Variants in FRMD6 observed in about 807,000 individuals in gnomAD.
FRMD6 encodes FERM domain-containing protein 6.
A neutral mutation model predicts 73.2 loss-of-function variants in FRMD6; 37 were observed. That is an observed-to-expected ratio of 0.51 (90% CI 0.39 to 0.66). The LOEUF is 0.66. FRMD6 is among the 30% of genes least tolerant of loss of function. FRMD6 has a pLI of 0.00. For synonymous variants in FRMD6, 273 were observed against 282.2 expected (o/e 0.97, Z 0.33); for missense variants, 714 against 780.5 (o/e 0.91, Z 1.02).
chr14:51,699,081 T>A (rs1896127045), intron 3 of FRMD6, among the ~76,000 whole-genome samples: 1 of 152,056 alleles, frequency 6.6e-6, no homozygotes, highest in African/African-American at 2.4e-5. Context: ...AATAATATGT[T>A]TACACCTGCC....
At chr14:51,487,146 G>A (rs776690943), upstream of FRMD6, among the ~76,000 whole-genome samples, 9 of 152,156 alleles carry the variant, frequency 5.9e-5, no homozygotes, top group East Asian at 3.8e-4. Flanking sequence ...CTGCTCTAGC[G>A]TGTACAGTGT....
At chr14:51,487,465 G>C (rs1301035864), upstream of FRMD6, among the ~76,000 whole-genome samples, 1 of 152,160 alleles carries the variant, frequency 6.6e-6, no homozygotes, top group African/African-American at 2.4e-5. Context: ...GGGGGATCTT[G>C]TGAAAATGCA....
intron 2 of FRMD6, among the ~76,000 whole-genome samples, chr14:51,642,887 A>G (rs1379720633): frequency 6.6e-6 from 1 of 152,206 alleles, no homozygotes; most frequent in Non-Finnish European, 1.5e-5. Context: ...AGAAAGCCCT[A>G]AAAGAGCCAG....
At chr14:51,638,310 A>G (rs74052647) in intron 2 of FRMD6, among the ~76,000 whole-genome samples, 23,248 of 151,966 alleles carry the variant, frequency 0.15, 1,867 homozygotes, top group Middle Eastern at 0.21. Flanking sequence ...AATTCCTTCC[A>G]TGGGTAATAA....
chr14:51,620,383 C>T (rs576947232), intron 2 of FRMD6, among the ~76,000 whole-genome samples: 1 of 152,064 alleles, frequency 6.6e-6, no homozygotes, highest in Non-Finnish European at 1.5e-5. Flanking sequence ...CGCAAAACCA[C>T]AAGGAAAGTT....
chr14:51,562,350 T>C (rs571104130), intron 1 of FRMD6, among the ~76,000 whole-genome samples: 1 of 152,302 alleles, frequency 6.6e-6, no homozygotes, highest in East Asian at 1.9e-4. Flanking sequence ...AGGTCATGCA[T>C]GGTAGCATTT....
the FRMD6 span, among the ~76,000 whole-genome samples, chr14:51,398,709 T>C: frequency 0.1 from 15,358 of 152,148 alleles, 1,043 homozygotes; most frequent in South Asian, 0.26. Context: ...TACACCCTGA[T>C]ATGCTAATAA....
chr14:51,664,899 A>G (rs1367455879), intron 1 of FRMD6, among the ~76,000 whole-genome samples: 4 of 152,196 alleles, frequency 2.6e-5, no homozygotes, highest in East Asian at 3.9e-4. Flanking sequence ...CACGAGGCCA[A>G]TGTGGAATAA....
At position 51,725,869 on chromosome 14, in the gene FRMD6, A is replaced by G; in HGVS notation, c.1583A>G (p.Gln528Arg). 2 of 1,604,806 alleles carry G rather than the reference A, an allele frequency of 1.2e-6. No homozygotes were observed. Among genetic ancestry groups the G allele is most frequent in the Non-Finnish European group, 1.7e-6 (2 of 1,172,652 alleles). ...GGCCAGAGTACTGATTCTCTTCCAC[A>G]GGTATTAAAGGAATTGAAAAATATC... ...LRGQSTDSLP[Q>R]TICRKPKTST... is the part of the protein sequence containing the mutation. Residue 528 changes from glutamine (Q) to arginine (R), a missense_variant and splice_region_variant, in exon 13 of 14, where the codon CAG (glutamine) becomes CGG (arginine). Transcript: ENST00000344768.
chr14:51,450,826 T>C, the FRMD6 span, among the ~76,000 whole-genome samples: 2 of 152,188 alleles, frequency 1.3e-5, no homozygotes, highest in South Asian at 4.1e-4. Flanking sequence ...TTGAGGTCTG[T>C]TTTATGCCAG....
At chr14:51,421,646 T>G in the FRMD6 span, among the ~76,000 whole-genome samples, 1 of 152,152 alleles carries the variant, frequency 6.6e-6, no homozygotes, top group Non-Finnish European at 1.5e-5. Context: ...GATCTTAAAA[T>G]AGAGCACTAT....
At chr14:51,639,198 G>T (rs1246815209) in intron 2 of FRMD6, among the ~76,000 whole-genome samples, 1 of 152,134 alleles carries the variant, frequency 6.6e-6, no homozygotes, top group Non-Finnish European at 1.5e-5. Context: ...CACTTTGGGA[G>T]ACTGAGGCGG....
chr14:51,581,204 A>C (rs1323997884), intron 2 of FRMD6, among the ~76,000 whole-genome samples: 1 of 151,920 alleles, frequency 6.6e-6, no homozygotes, highest in Non-Finnish European at 1.5e-5. Flanking sequence ...CACACTTCCC[A>C]CACTGTACAA....
the FRMD6 span, among the ~76,000 whole-genome samples, chr14:51,433,975 TACTC>T: frequency 6.6e-6 from 1 of 152,206 alleles, no homozygotes; most frequent in East Asian, 1.9e-4. Context: ...ATTTGGTAAA[TACTC>T]ATAGGGATAT....
the FRMD6 span, among the ~76,000 whole-genome samples, chr14:51,466,244 C>A: frequency 0.019 from 2,868 of 152,224 alleles, 79 homozygotes; most frequent in African/African-American, 0.061. Flanking sequence ...TTTTAAAGAG[C>A]AAAAACTTAA....
intron 1 of FRMD6, among the ~76,000 whole-genome samples, chr14:51,521,025 A>T (rs1596532906): frequency 1.3e-5 from 2 of 152,372 alleles, no homozygotes; most frequent in East Asian, 3.9e-4. Flanking sequence ...AAAAGAACGT[A>T]CATTTTATGA....
In FRMD6 at chr14:51,600,260, G is replaced by A. The variant is rs1027753130; in HGVS notation, c.-147+29850G>A. 3.7e-4 allele frequency among the ~76,000 whole-genome samples: 57 copies of A among 152,130 alleles called. 1 individual carries two copies. The highest frequency in any genetic ancestry group is 1.3e-3 in the African/African-American group (53 of 41,436). ...TCGATAGCAAAATAAGATATGCTGA[G>A]CTCAGGAGCTTAATTTTTTTCCCTT... On this transcript the variant is annotated intron_variant, in intron 2 of 14. Transcript: ENST00000356218.
At chr14:51,547,022 C>G (rs17585587) in intron 1 of FRMD6, among the ~76,000 whole-genome samples, 21,708 of 151,592 alleles carry the variant, frequency 0.14, 1,756 homozygotes, top group Non-Finnish European at 0.17. Context: ...AATTAGAGCC[C>G]CATGGTACAA....
At chr14:51,697,025 G>A (rs1043774029) in intron 2 of FRMD6, among the ~76,000 whole-genome samples, 3 of 152,134 alleles carry the variant, frequency 2.0e-5, no homozygotes, top group Non-Finnish European at 2.9e-5. Context: ...AAGTGTTGAC[G>A]AGGATGTGGA....
Sources: gnomAD v4.1 joint callset for allele counts (sites outside exome capture counted in the v4.1 genomes callset) on GRCh38, gnomAD v4.1.1 for gene constraint, MANE v1.5 for transcripts, NCBI Gene and HGNC (gene_info 2026-07-23, HGNC 2026-07-21) for gene names.